ARHGAP24: variants seen among roughly 807,000 people sequenced by gnomAD.
ARHGAP24 encodes the protein rho GTPase-activating protein 24.
In ARHGAP24, 50 loss-of-function variants were observed where a neutral mutation model predicts 76.4. The ratio of observed to expected loss-of-function variants is 0.65; its 90% CI spans 0.52 to 0.83. The LOEUF is 0.83. ARHGAP24 is among the 40% of genes least tolerant of loss of function. ARHGAP24 has a pLI of 0.00. For synonymous variants in ARHGAP24, 345 were observed against 323.3 expected (o/e 1.07, Z -0.72); for missense variants, 930 against 914.2 (o/e 1.02, Z -0.22).
At chr4:85,746,788 A>T (rs1253375595) in intron 3 of ARHGAP24, among the ~76,000 whole-genome samples, 2 of 151,980 alleles carry the variant, frequency 1.3e-5, no homozygotes, top group Non-Finnish European at 2.9e-5. Context: ...AGTAGCTGGG[A>T]TTACAGGTGC....
chr4:85,805,056 T>A (rs1728731801), intron 3 of ARHGAP24, among the ~76,000 whole-genome samples: 1 of 152,140 alleles, frequency 6.6e-6, no homozygotes, highest in African/African-American at 2.4e-5. Flanking sequence ...GAGATAAAAG[T>A]TTATTTGAGC....
intron 2 of ARHGAP24, among the ~76,000 whole-genome samples, chr4:85,590,260 C>T (rs950849821): frequency 6.6e-6 from 1 of 150,858 alleles, no homozygotes; most frequent in African/African-American, 2.4e-5. Flanking sequence ...TCCCTCCATC[C>T]CTCCATCCCT....
At chr4:85,727,172 A>G (rs1479433789) in intron 3 of ARHGAP24, among the ~76,000 whole-genome samples, 1 of 152,112 alleles carries the variant, frequency 6.6e-6, no homozygotes, top group East Asian at 1.9e-4. Context: ...GTGAGCAGAG[A>G]TCTCACCATT....
chr4:85,666,054 T>C (rs1237778330), intron 2 of ARHGAP24, among the ~76,000 whole-genome samples: 1 of 152,188 alleles, frequency 6.6e-6, no homozygotes, highest in East Asian at 1.9e-4. Context: ...TGAATCTGAA[T>C]TTTGGCCTGC....
intron 2 of ARHGAP24, among the ~76,000 whole-genome samples, chr4:85,650,443 A>G (rs1379464832): frequency 6.7e-6 from 1 of 149,426 alleles, no homozygotes; most frequent in African/African-American, 2.6e-5. Flanking sequence ...ACCTTGGCCA[A>G]TAATCTTGTC....
intron 1 of ARHGAP24, among the ~76,000 whole-genome samples, chr4:85,559,031 C>T (rs1560532357): frequency 6.6e-6 from 1 of 152,130 alleles, no homozygotes; most frequent in Admixed American, 6.5e-5. Flanking sequence ...AAATTATAGA[C>T]ATCAGGGAAA....
intron 8 of ARHGAP24, chr4:85,992,004 T>C (rs2148868485): frequency 2.5e-6 from 1 of 394,422 alleles, no homozygotes; most frequent in Non-Finnish European, 4.5e-6. Context: ...TATTATGTGA[T>C]ATTTAGAGTC....
chr4:85,883,222 A>C (rs1430073507), intron 3 of ARHGAP24, among the ~76,000 whole-genome samples: 3 of 152,214 alleles, frequency 2.0e-5, no homozygotes. Flanking sequence ...CAAGAAGAGG[A>C]ACTTCAAAAG....
chr4:85,980,284 T>C (rs1300178749), intron 8 of ARHGAP24, among the ~76,000 whole-genome samples: 2 of 152,208 alleles, frequency 1.3e-5, no homozygotes, highest in Admixed American at 1.3e-4. Flanking sequence ...CACATTTACC[T>C]ATTAAAGAAA....
At chr4:85,534,927 TA>T (rs200978740) in intron 1 of ARHGAP24, among the ~76,000 whole-genome samples, 12,079 of 99,766 alleles carry the variant, frequency 0.12, 1,053 homozygotes, top group African/African-American at 0.28. Context: ...ATATTTACAG[TA>T]AAAAAAAAAA....
rs1741073038 is a variant in ARHGAP24 at position 86,002,553 on chromosome 4, A to C, written c.*1831A>C. 1 of 152,106 alleles carries C rather than the reference A, an allele frequency of 6.6e-6. No homozygotes were observed. Among genetic ancestry groups the C allele is most frequent in the African/African-American group, 2.4e-5 (1 of 41,378 alleles). The allele number at this position is 152,106 out of a possible 1,614,324, so 9.4% of individuals were successfully genotyped here. ...TGATGCACTAGTAAAAAAAACAAAG[A>C]TATTCAAACTGCTTGGGTTCAAATG... On this transcript the variant is annotated 3_prime_UTR_variant, in exon 10 of 10. Transcript: ENST00000395184.
intron 3 of ARHGAP24, among the ~76,000 whole-genome samples, chr4:85,879,572 C>T (rs1733120927): frequency 6.6e-6 from 1 of 151,690 alleles, no homozygotes; most frequent in African/African-American, 2.4e-5. Context: ...ACCAAAATTG[C>T]AGAAGATCAT....
chr4:85,501,199 C>T (rs770599199), intron 1 of ARHGAP24, among the ~76,000 whole-genome samples: 61 of 152,240 alleles, frequency 4.0e-4, no homozygotes, highest in Non-Finnish European at 3.8e-4. Context: ...GTGCATGTGT[C>T]TTTATAGTAG....
At chr4:85,624,404 G>A (rs370792434) in intron 2 of ARHGAP24, among the ~76,000 whole-genome samples, 45 of 152,114 alleles carry the variant, frequency 3.0e-4, no homozygotes, top group Non-Finnish European at 5.9e-4. Flanking sequence ...ATTTGTGTAT[G>A]TTGAACCAGC....
At chr4:85,978,129 A>G (rs1739445197) in intron 8 of ARHGAP24, among the ~76,000 whole-genome samples, 1 of 152,224 alleles carries the variant, frequency 6.6e-6, no homozygotes, top group African/African-American at 2.4e-5. Flanking sequence ...TTTGTAGGTT[A>G]AAACATGAAA....
At chr4:85,669,695 G>A (rs201468682) in intron 2 of ARHGAP24, among the ~76,000 whole-genome samples, 2 of 115,412 alleles carry the variant, frequency 1.7e-5, no homozygotes, top group African/African-American at 3.5e-5. Context: ...ATATATATGT[G>A]ATATATATAG....
chr4:85,942,410 G>T (rs1333071209), intron 5 of ARHGAP24, 137 bp downstream of exon 5: 8 of 1,058,694 alleles, frequency 7.6e-6, no homozygotes, highest in Admixed American at 4.1e-5. Context: ...ACAGGAGTTT[G>T]CATTGTTTCT....
intron 3 of ARHGAP24, among the ~76,000 whole-genome samples, chr4:85,873,532 C>G (rs1297291814): frequency 1.3e-5 from 2 of 152,114 alleles, no homozygotes; most frequent in Admixed American, 6.6e-5. Context: ...AGCAGGAGCT[C>G]ATACGGTAGT....
At chr4:85,707,058 G>A (rs1724340581) in intron 2 of ARHGAP24, among the ~76,000 whole-genome samples, 1 of 152,096 alleles carries the variant, frequency 6.6e-6, no homozygotes. Context: ...AGAGCTATAG[G>A]AGCATGTTAC....
Sources: gnomAD v4.1 joint callset for allele counts (sites outside exome capture counted in the v4.1 genomes callset) on GRCh38, gnomAD v4.1.1 for gene constraint, MANE v1.5 for transcripts, NCBI Gene and HGNC (gene_info 2026-07-23, HGNC 2026-07-21) for gene names.